The following CDYL2 variants were observed in gnomAD, a reference collection of about 807,000 sequenced individuals.
CDYL2 encodes chromodomain Y-like protein 2.
CDYL2 carries 23 observed loss-of-function variants against 49.4 expected under a neutral mutation model. That is an observed-to-expected ratio of 0.47 (90% CI 0.34 to 0.66). CDYL2 has a LOEUF of 0.66. Among genes scored for constraint, CDYL2 ranks in the 30% least tolerant of loss-of-function variants. The pLI, the probability that CDYL2 is intolerant of heterozygous loss-of-function variation, is 0.01. For synonymous variants in CDYL2, 360 were observed against 268.8 expected, an observed-to-expected ratio of 1.34 and a Z score of -3.32; for missense variants, 678 against 656.4, an observed-to-expected ratio of 1.03 and a Z score of -0.36.
intron 6 of CDYL2, among the ~76,000 whole-genome samples, chr16:80,604,902 T>C (rs758869933): frequency 3.9e-5 from 6 of 152,212 alleles, no homozygotes; most frequent in Non-Finnish European, 8.8e-5. Context: ...ATTTTCATGA[T>C]CTGTTGGCAA....
chr16:80,743,339 C>T (rs571568187), intron 1 of CDYL2, among the ~76,000 whole-genome samples: 30 of 152,294 alleles, frequency 2.0e-4, no homozygotes, highest in African/African-American at 6.5e-4. Context: ...AAAATCTCTT[C>T]GTTTTATAAA....
chr16:80,727,927 T>C (rs1905217623), intron 1 of CDYL2, among the ~76,000 whole-genome samples: 1 of 152,248 alleles, frequency 6.6e-6, no homozygotes, highest in South Asian at 2.1e-4. Flanking sequence ...AGAAAGGACA[T>C]GCATACCAAA....
intron 1 of CDYL2, among the ~76,000 whole-genome samples, chr16:80,757,131 C>G (rs1444077945): frequency 2.0e-5 from 3 of 152,070 alleles, no homozygotes; most frequent in Non-Finnish European, 4.4e-5. Context: ...CCAGGACAGA[C>G]AGAGAAAATG....
At chr16:80,660,348 A>C (rs918213772) in intron 2 of CDYL2, among the ~76,000 whole-genome samples, 1 of 152,048 alleles carries the variant, frequency 6.6e-6, no homozygotes, top group African/African-American at 2.4e-5. Context: ...GACATGTTCA[A>C]TGACAACTGA....
At chr16:80,662,503 C>T (rs1205734950) in intron 2 of CDYL2, among the ~76,000 whole-genome samples, 1 of 152,134 alleles carries the variant, frequency 6.6e-6, no homozygotes, top group Non-Finnish European at 1.5e-5. Flanking sequence ...TCCTTATTAT[C>T]CTCTCCCATG....
intron 1 of CDYL2, among the ~76,000 whole-genome samples, chr16:80,777,480 C>CA (rs980665714): frequency 4.0e-5 from 6 of 151,322 alleles, no homozygotes; most frequent in African/African-American, 1.5e-4. Context: ...TCTGGCAACA[C>CA]AAAAAATATG....
intron 1 of CDYL2, among the ~76,000 whole-genome samples, chr16:80,727,305 G>A (rs966727260): frequency 3.3e-5 from 5 of 152,246 alleles, no homozygotes; most frequent in Admixed American, 6.5e-5. Flanking sequence ...GGGTCAGGGA[G>A]TTCCGTTTCC....
At chr16:80,774,765 AAC>A (rs1437589898) in intron 1 of CDYL2, among the ~76,000 whole-genome samples, 1 of 152,114 alleles carries the variant, frequency 6.6e-6, no homozygotes, top group East Asian at 1.9e-4. Flanking sequence ...CATAAGATGA[AAC>A]ACAGTATACT....
chr16:80,620,684 A>G, intron 4 of CDYL2, 79 bp downstream of exon 4: 1 of 1,343,746 alleles, frequency 7.4e-7, no homozygotes. Context: ...TTGAAATTCG[A>G]ATTTAACTGA....
intron 1 of CDYL2, among the ~76,000 whole-genome samples, chr16:80,788,401 A>T (rs769916500): frequency 6.6e-6 from 1 of 152,202 alleles, no homozygotes; most frequent in Non-Finnish European, 1.5e-5. Context: ...TCCTTTACAC[A>T]CCAAAGCTGC....
chr16:80,742,913 G>A (rs1316598018), intron 1 of CDYL2, among the ~76,000 whole-genome samples: 1 of 151,494 alleles, frequency 6.6e-6, no homozygotes, highest in East Asian at 1.9e-4. Context: ...ATGGATGGAT[G>A]GATGGATGGA....
intron 2 of CDYL2, among the ~76,000 whole-genome samples, chr16:80,645,271 A>G (rs1754181271): frequency 6.6e-6 from 1 of 152,208 alleles, no homozygotes; most frequent in Admixed American, 6.5e-5. Context: ...AGAATCTACA[A>G]AGAACTCAAA....
At chr16:80,640,686 G>C (rs1908045133) in intron 2 of CDYL2, among the ~76,000 whole-genome samples, 1 of 152,110 alleles carries the variant, frequency 6.6e-6, no homozygotes, top group East Asian at 1.9e-4. Flanking sequence ...AGGAAACTCA[G>C]AGAAATTAAA....
intron 2 of CDYL2, among the ~76,000 whole-genome samples, chr16:80,636,124 A>G (rs1907812273): frequency 6.6e-6 from 1 of 152,224 alleles, no homozygotes; most frequent in African/African-American, 2.4e-5. Flanking sequence ...AACCTAGGCA[A>G]TACCATTCAG....
intron 1 of CDYL2, among the ~76,000 whole-genome samples, chr16:80,721,716 C>A (rs1371705242): frequency 1.3e-5 from 2 of 152,220 alleles, no homozygotes; most frequent in Non-Finnish European, 2.9e-5. Flanking sequence ...AATGGCCCAG[C>A]TAGACCACCC....
chr16:80,680,273 G>A (rs568656886), intron 2 of CDYL2, among the ~76,000 whole-genome samples: 2 of 152,300 alleles, frequency 1.3e-5, no homozygotes, highest in African/African-American at 4.8e-5. Flanking sequence ...CAACGTCTGT[G>A]CAGCAGACAA....
intron 1 of CDYL2, among the ~76,000 whole-genome samples, chr16:80,741,367 C>T (rs750600605): frequency 6.6e-6 from 1 of 151,564 alleles, no homozygotes; most frequent in South Asian, 2.1e-4. Flanking sequence ...TGCACACACA[C>T]ACTTGTGATT....
chr16:80,724,407 T>C (rs1905100925), intron 1 of CDYL2, among the ~76,000 whole-genome samples: 1 of 152,188 alleles, frequency 6.6e-6, no homozygotes, highest in South Asian at 2.1e-4. Flanking sequence ...GTGGCTCTTT[T>C]TTCTATGCCA....
chr16:80,723,065 C>T (rs777328438), intron 1 of CDYL2, among the ~76,000 whole-genome samples: 16 of 152,338 alleles, frequency 1.1e-4, no homozygotes, highest in Admixed American at 2.6e-4. Context: ...CTCGGCAGGG[C>T]GCTTTCTACA....
Sources: gnomAD v4.1 joint callset for allele counts (sites outside exome capture counted in the v4.1 genomes callset) on GRCh38, gnomAD v4.1.1 for gene constraint, MANE v1.5 for transcripts, NCBI Gene and HGNC (gene_info 2026-07-23, HGNC 2026-07-21) for gene names.